KIAA1328: variants seen among roughly 807,000 people sequenced by gnomAD.
KIAA1328 encodes KIAA1328.
KIAA1328 carries 52 observed loss-of-function variants against 68.1 expected under a neutral mutation model. That is an observed-to-expected ratio of 0.76 (90% confidence interval 0.61 to 0.96). The LOEUF (loss-of-function observed/expected upper bound fraction) is 0.96. Among genes scored for constraint, KIAA1328 ranks in the 40% least tolerant of loss-of-function variants. KIAA1328 has a pLI of 0.00. For missense variants in KIAA1328, 641 were observed against 677.6 expected, an observed-to-expected ratio of 0.95 and a Z score of 0.60; for synonymous variants, 232 against 239.4, an observed-to-expected ratio of 0.97 and a Z score of 0.28.
At chr18:37,035,814 A>G (rs770075372) in intron 6 of KIAA1328, among the ~76,000 whole-genome samples, 1 of 152,226 alleles carries the variant, frequency 6.6e-6, no homozygotes, top group Non-Finnish European at 1.5e-5. Flanking sequence ...CTTTAAGCTT[A>G]AAAGGGTTAT....
At chr18:37,142,728 G>A (rs992588557) in intron 7 of KIAA1328, among the ~76,000 whole-genome samples, 1 of 151,930 alleles carries the variant, frequency 6.6e-6, no homozygotes, top group Non-Finnish European at 1.5e-5. Context: ...GAGCTTTATA[G>A]TAAATCTTGA....
intron 9 of KIAA1328, among the ~76,000 whole-genome samples, chr18:37,191,215 G>C (rs897731160): frequency 6.6e-6 from 1 of 152,110 alleles, no homozygotes; most frequent in Admixed American, 6.6e-5. Flanking sequence ...AATAAATCAG[G>C]TCTAGTTTCT....
intron 6 of KIAA1328, among the ~76,000 whole-genome samples, chr18:36,989,346 G>A (rs2053074548): frequency 6.6e-6 from 1 of 152,156 alleles, no homozygotes; most frequent in African/African-American, 2.4e-5. Flanking sequence ...TTATAAAGTG[G>A]ATTACAATGT....
intron 6 of KIAA1328, among the ~76,000 whole-genome samples, chr18:37,015,710 T>C (rs1310115897): frequency 6.6e-6 from 1 of 152,214 alleles, no homozygotes; most frequent in African/African-American, 2.4e-5. Flanking sequence ...GTAGAAATTT[T>C]TCACCTCTTG....
intron 6 of KIAA1328, among the ~76,000 whole-genome samples, chr18:37,047,089 A>G (rs1472498548): frequency 1.3e-5 from 2 of 152,192 alleles, no homozygotes; most frequent in Non-Finnish European, 2.9e-5. Context: ...CCTGGGTGAC[A>G]GAATGTGTGG....
intron 6 of KIAA1328, among the ~76,000 whole-genome samples, chr18:37,027,863 C>T (rs2151564975): frequency 6.6e-6 from 1 of 152,124 alleles, no homozygotes; most frequent in African/African-American, 2.4e-5. Flanking sequence ...CCAAAATTGA[C>T]AAATGGGATC....
intron 8 of KIAA1328, among the ~76,000 whole-genome samples, chr18:37,166,021 A>C (rs1045921150): frequency 4.0e-5 from 6 of 149,404 alleles, no homozygotes; most frequent in Non-Finnish European, 8.9e-5. Flanking sequence ...ACTGATTGGG[A>C]GATATTGGGG....
intron 5 of KIAA1328, among the ~76,000 whole-genome samples, chr18:36,940,915 C>A (rs1382252555): frequency 2.0e-5 from 3 of 152,028 alleles, no homozygotes; most frequent in South Asian, 2.1e-4. Flanking sequence ...ACCTTGTGAT[C>A]CACCCGCCTC....
At chr18:37,017,589 A>T (rs559173787) in intron 6 of KIAA1328, among the ~76,000 whole-genome samples, 1 of 152,190 alleles carries the variant, frequency 6.6e-6, no homozygotes, top group Admixed American at 6.5e-5. Flanking sequence ...CTATTGTGTG[A>T]CTGTTTAAGT....
chr18:37,145,458 G>A (rs954922420), intron 7 of KIAA1328, among the ~76,000 whole-genome samples: 8 of 152,082 alleles, frequency 5.3e-5, no homozygotes, highest in African/African-American at 1.9e-4. Flanking sequence ...ATGTCACTTC[G>A]ATCAAATTGA....
chr18:37,171,285 C>T (rs2059494293), intron 8 of KIAA1328, among the ~76,000 whole-genome samples: 1 of 152,174 alleles, frequency 6.6e-6, no homozygotes, highest in Non-Finnish European at 1.5e-5. Flanking sequence ...GACCATAGCT[C>T]ACTGCAGCCT....
chr18:37,110,157 T>C (rs910432937), intron 7 of KIAA1328, among the ~76,000 whole-genome samples: 1 of 152,152 alleles, frequency 6.6e-6, no homozygotes, highest in Non-Finnish European at 1.5e-5. Flanking sequence ...ATATCAGACC[T>C]TTGGTAGAAT....
chr18:37,155,918 T>A lies in KIAA1328; in HGVS notation c.1233-4282T>A, dbSNP rs142019867. Among the ~76,000 whole-genome samples, 11 of 152,374 alleles carry A rather than the reference T, an allele frequency of 7.2e-5. No individual in the cohort carries two copies. In the East Asian group the frequency reaches 1.9e-3, roughly 27 times the overall value. On this transcript the variant is annotated intron_variant, in intron 7 of 9. Transcript: ENST00000280020. ...TTTTTTATTTTACCTAGAACATTCTTACATTTTTCCTTATCTTTCAAGGTT... is the reference window on the plus strand; with the variant it reads ...TTTTTTATTTTACCTAGAACATTCTAACATTTTTCCTTATCTTTCAAGGTT...
intron 6 of KIAA1328, among the ~76,000 whole-genome samples, chr18:37,003,636 G>C (rs1331758382): frequency 6.6e-6 from 1 of 152,056 alleles, no homozygotes; most frequent in Non-Finnish European, 1.5e-5. Flanking sequence ...ATTTGCTTTT[G>C]GGTTGTTGGT....
At chr18:36,965,428 G>A (rs1163936646) in intron 6 of KIAA1328, among the ~76,000 whole-genome samples, 1 of 150,648 alleles carries the variant, frequency 6.6e-6, no homozygotes, top group African/African-American at 2.4e-5. Context: ...TTATTAAAAG[G>A]CGATCAGGAG....
intron 6 of KIAA1328, among the ~76,000 whole-genome samples, chr18:36,975,472 G>A (rs1177832332): frequency 8.5e-5 from 13 of 152,256 alleles, no homozygotes; most frequent in Admixed American, 1.3e-4. Context: ...GTGAGCCACC[G>A]CGCCCGGCCT....
chr18:37,146,848 T>A (rs886682750), intron 7 of KIAA1328, among the ~76,000 whole-genome samples: 1 of 152,206 alleles, frequency 6.6e-6, no homozygotes, highest in Non-Finnish European at 1.5e-5. Context: ...TCATATACAT[T>A]AGATCTTAAT....
At chr18:36,873,785 C>T (rs2048026812) in intron 4 of KIAA1328, among the ~76,000 whole-genome samples, 1 of 152,114 alleles carries the variant, frequency 6.6e-6, no homozygotes, top group African/African-American at 2.4e-5. Context: ...GTTTGCTGCA[C>T]CCATCAACCC....
intron 4 of KIAA1328, among the ~76,000 whole-genome samples, chr18:36,874,516 A>G (rs1341835449): frequency 6.6e-6 from 1 of 152,082 alleles, no homozygotes; most frequent in East Asian, 1.9e-4. Context: ...TCTTTTGCCC[A>G]CTTTTTGATG....
Sources: allele counts gnomAD v4.1 joint callset (sites outside exome capture counted in the v4.1 genomes callset), GRCh38; gene constraint gnomAD v4.1.1; transcripts MANE v1.5; gene names NCBI Gene and HGNC (gene_info 2026-07-23, HGNC 2026-07-21).